Variants in NAA16 observed in about 807,000 individuals in gnomAD.
NAA16 encodes the protein NARG1-like protein.
Under a neutral mutation model 110.3 loss-of-function variants are expected in NAA16, and 97 were observed. The observed-to-expected ratio is 0.88, with a 90% confidence interval of 0.75 to 1.04. NAA16 has a LOEUF of 1.04. Ranked by LOEUF, NAA16 falls within the 50% of genes least tolerant of loss-of-function variation. NAA16 has a pLI of 0.00. For synonymous variants in NAA16, 372 were observed against 330.6 expected (o/e 1.13, Z -1.36); for missense variants, 1,017 against 1,005.1 (o/e 1.01, Z -0.16).
Position 41,311,294 on chromosome 13 carries a change from C to G in NAA16, c.-235C>G. Reference sequence around the variant, plus strand: ...AGTGCGCGGGAACCGCCGCCGCCGCCGCTGGCCAAAAAGCGGAGCCCAGGG... The same window carrying G: ...AGTGCGCGGGAACCGCCGCCGCCGCGGCTGGCCAAAAAGCGGAGCCCAGGG... On this transcript the variant is annotated 5_prime_UTR_variant, in exon 1 of 20. Coordinates refer to ENST00000379406, the MANE Select transcript of NAA16 (RefSeq NM_024561.5). 3.7e-6 allele frequency: 2 copies of G among 546,494 alleles called. No individual in the cohort carries two copies. The highest frequency in any genetic ancestry group is 4.7e-5 in the South Asian group (2 of 42,888). The allele number at this position is 546,494 out of a possible 1,614,324, so 33.9% of individuals were successfully genotyped here.
intron 4 of NAA16, among the ~76,000 whole-genome samples, chr13:41,322,495 G>C (rs2041973200): frequency 6.6e-6 from 1 of 152,148 alleles, no homozygotes; most frequent in Admixed American, 6.5e-5. Flanking sequence ...GGTGATACAC[G>C]TTAGTGTTGC....
intron 13 of NAA16, among the ~76,000 whole-genome samples, chr13:41,363,109 ATCC>A (rs1322122952): frequency 6.6e-6 from 1 of 151,896 alleles, no homozygotes. Flanking sequence ...TCTGGGGAAA[ATCC>A]TCCTCATCTT....
chr13:41,349,148 T>G lies in NAA16; in HGVS notation c.1015-5996T>G, dbSNP rs1010891097. On this transcript the variant is annotated intron_variant, in intron 9 of 19. Coordinates refer to ENST00000379406, the MANE Select transcript of NAA16 (RefSeq NM_024561.5). ...TTGTGTCCTTTTGCTTGTTTTAGGT[T>G]TAATTTGGTCTTTTTTCTAATTTTT... 6.6e-5 allele frequency among the ~76,000 whole-genome samples: 10 copies of G among 152,078 alleles called. 1 individual carries two copies. Among genetic ancestry groups the G allele is most frequent in the Admixed American group, 4.6e-4 (7 of 15,258 alleles).
chr13:41,351,682 G>A (rs2042839046), intron 9 of NAA16, among the ~76,000 whole-genome samples: 1 of 152,186 alleles, frequency 6.6e-6, no homozygotes, highest in Admixed American at 6.5e-5. Flanking sequence ...AAGATAAAAA[G>A]CTTCTTCCAT....
chr13:41,354,789 C>T (rs2042936708), intron 9 of NAA16: 1 of 158,884 alleles, frequency 6.3e-6, no homozygotes, highest in African/African-American at 2.4e-5. Context: ...TTTAATTTCA[C>T]TTATTTTCAA....
Position 41,372,845 on chromosome 13 carries a change from G to A in NAA16, c.2155+15G>A. The A allele has an allele frequency of 6.6e-7, 1 of 1,513,712 alleles. No individual in the cohort carries two copies. Among genetic ancestry groups the A allele is most frequent in the South Asian group, 1.3e-5 (1 of 76,178 alleles). The allele number at this position is 1,513,712 out of a possible 1,614,324, so 93.8% of individuals were successfully genotyped here. On this transcript the variant is annotated intron_variant, in intron 17 of 19. Transcript: ENST00000379406. ...TTCTAAATCTGGTAAGTATAAAAAA[G>A]GACCATATTTACATTTGTGAATTAT...
At chr13:41,322,199 T>C (rs1027002060) in intron 4 of NAA16, among the ~76,000 whole-genome samples, 17 of 151,910 alleles carry the variant, frequency 1.1e-4, no homozygotes, top group African/African-American at 3.9e-4. Flanking sequence ...CTGGGCAACA[T>C]AGGGAGACTC....
In NAA16 at chr13:41,372,831, G is replaced by T. The variant is rs1436071312; in HGVS notation, c.2155+1G>T. ...TGTTTAATTAGATTTTCTAAATCTG[G>T]TAAGTATAAAAAAGGACCATATTTA... is the stretch of plus-strand genomic sequence containing the variant. On this transcript the variant is annotated splice_donor_variant, in intron 17 of 19. Coordinates refer to ENST00000379406, the MANE Select transcript of NAA16 (RefSeq NM_024561.5). LOFTEE classifies it high-confidence loss of function. The T allele has an allele frequency of 2.6e-6, 4 of 1,566,858 alleles. No homozygotes were observed. Among genetic ancestry groups the T allele is most frequent in the South Asian group, 1.2e-5 (1 of 84,284 alleles).
intron 18 of NAA16, 145 bp from the exon 19 acceptor site, chr13:41,374,597 T>C (rs980393166): frequency 1.8e-6 from 1 of 559,456 alleles, no homozygotes; most frequent in Admixed American, 3.4e-5. Flanking sequence ...AATGTCACAC[T>C]TGGCTCTCTT....
At chr13:41,367,684 A>C in intron 14 of NAA16, 32 bp downstream of exon 14, 1 of 1,439,064 alleles carries the variant, frequency 6.9e-7, no homozygotes, top group East Asian at 2.3e-5. Flanking sequence ...AGATTTTAAA[A>C]GGACACTAAA....
intron 16 of NAA16, 186 bp from the exon 17 acceptor site, chr13:41,372,546 T>G (rs1200131623): frequency 1.0e-6 from 1 of 985,280 alleles, no homozygotes; most frequent in Non-Finnish European, 1.2e-6. Flanking sequence ...GCAATTTTTA[T>G]GATTTTTCAA....
chr13:41,317,494 A>G (rs1370214605), intron 2 of NAA16, among the ~76,000 whole-genome samples: 1 of 152,234 alleles, frequency 6.6e-6, no homozygotes, highest in East Asian at 1.9e-4. Context: ...AGGGTGGATC[A>G]GGATAGACAT....
At chr13:41,317,333 TG>T (rs2041835265) in intron 2 of NAA16, among the ~76,000 whole-genome samples, 1 of 151,586 alleles carries the variant, frequency 6.6e-6, no homozygotes, top group African/African-American at 2.4e-5. Context: ...AGATGTGTTT[TG>T]TTTTGTTTTT....
At chr13:41,359,207 A>G (rs1415173787) in intron 12 of NAA16, among the ~76,000 whole-genome samples, 5 of 152,236 alleles carry the variant, frequency 3.3e-5, no homozygotes, top group Admixed American at 2.6e-4. Context: ...ATATCTTGGT[A>G]CATATATAAA....
chr13:41,358,970 A>G lies in NAA16; in HGVS notation c.1410+8A>G, dbSNP rs780013495. The G allele has an allele frequency of 1.4e-5, 23 of 1,592,304 alleles. No homozygotes were observed. The Admixed American group carries it at 2.5e-4, about 18-fold the overall frequency. ...TGCTCCAAGTTCACAAGGGTAGGAA[A>G]TAGCATGCATGAGCATGTAATTGTC... is the stretch of plus-strand genomic sequence containing the variant. On this transcript the variant is annotated splice_region_variant and intron_variant, in intron 12 of 19. Transcript: ENST00000379406.
chr13:41,359,560 A>G (rs1425855130), intron 12 of NAA16, among the ~76,000 whole-genome samples: 1 of 152,206 alleles, frequency 6.6e-6, no homozygotes, highest in African/African-American at 2.4e-5. Context: ...CATATTTGGA[A>G]AATGGGATAT....
chr13:41,366,741 T>C (rs2043214640), intron 13 of NAA16, among the ~76,000 whole-genome samples: 1 of 152,226 alleles, frequency 6.6e-6, no homozygotes, highest in South Asian at 2.1e-4. Flanking sequence ...AAGTTCTGTA[T>C]TTATATAACA....
At chr13:41,363,278 G>A (rs926576667) in intron 13 of NAA16, among the ~76,000 whole-genome samples, 1 of 152,048 alleles carries the variant, frequency 6.6e-6, no homozygotes, top group Admixed American at 6.6e-5. Context: ...TTGTTATTAA[G>A]GAAAGATACA....
At position 41,375,491 on chromosome 13, in the gene NAA16, T is replaced by C. The variant is rs781300047; in HGVS notation, c.2484T>C (p.His828=). 4.3e-6 allele frequency: 7 copies of C among 1,614,128 alleles called. No individual in the cohort carries two copies. Among genetic ancestry groups the C allele is most frequent in the Non-Finnish European group, 5.9e-6 (7 of 1,179,968 alleles). The change falls in exon 20 of 20, where the codon CAT becomes CAC. Residue 828 remains histidine (H), a synonymous_variant. Coordinates refer to ENST00000379406, the MANE Select transcript of NAA16 (RefSeq NM_024561.5). ...ATGAAGAATATAGGATGGCCTGTCA[T>C]AACCTGCTTCCTTTTACATCTGCCT... ...SQYEEYRMAC[H]NLLPFTSAFL...
Sources: allele counts gnomAD v4.1 joint callset (sites outside exome capture counted in the v4.1 genomes callset), GRCh38; gene constraint gnomAD v4.1.1; transcripts MANE v1.5; gene names NCBI Gene and HGNC (gene_info 2026-07-23, HGNC 2026-07-21).